Variants in KIRREL3 observed in about 807,000 individuals in gnomAD.
KIRREL3 encodes the protein kirre like nephrin family adhesion molecule 3.
Under a neutral mutation model 89.7 loss-of-function variants are expected in KIRREL3, and 36 were observed. The observed-to-expected ratio is 0.40, with a 90% CI of 0.31 to 0.53. The LOEUF (loss-of-function observed/expected upper bound fraction) is 0.53, where lower values mean the gene tolerates loss of function less well. Among genes scored for constraint, KIRREL3 ranks in the 20% least tolerant of loss-of-function variants. The pLI is 0.49. For synonymous variants in KIRREL3, 445 were observed against 441.4 expected (o/e 1.01, Z -0.10); for missense variants, 864 against 1,056.6 (o/e 0.82, Z 2.53).
Position 126,783,157 on chromosome 11 carries a change from C to CGAGAG in KIRREL3, c.55+217297_55+217298insCTCTC, listed in dbSNP as rs1592121909. Among the ~76,000 whole-genome samples, 1 of 152,322 alleles carries CGAGAG rather than the reference C, an allele frequency of 6.6e-6. No homozygotes were observed. Among genetic ancestry groups the CGAGAG allele is most frequent in the East Asian group, 1.9e-4 (1 of 5,190 alleles). ...TAAGGTGTCTGCAGAGCCATGCTTC[C>CGAGAG]CCTGAAACCTGGAGGAGAGAATCCT... On this transcript the variant is annotated intron_variant, in intron 1 of 16. Coordinates refer to ENST00000525144, the MANE Select transcript of KIRREL3 (RefSeq NM_032531.4). This position sits in a 1 kb window ranked among gnomAD's most constrained non-coding sequence, Gnocchi z 4.3.
chr11:126,903,686 G>T lies in KIRREL3; in HGVS notation c.55+96769C>A, dbSNP rs543331792. ...TTTATGACATGTTCAGAAGCTTGCA[G>T]TTGCAGGAGGCTGACAATGATGAAA... On this transcript the variant is annotated intron_variant, in intron 1 of 16. Transcript: ENST00000525144. This position sits in a 1 kb window ranked among gnomAD's most constrained non-coding sequence, Gnocchi z 4.5. Among the ~76,000 whole-genome samples the T allele has an allele frequency of 6.6e-6, 1 of 152,334 alleles. No individual in the cohort carries two copies. The highest frequency in any genetic ancestry group is 2.1e-4 in the South Asian group (1 of 4,828).
At position 126,561,800 on chromosome 11, in the gene KIRREL3, C is replaced by G. The variant is rs1000590218; in HGVS notation, c.133+1035G>C. On this transcript the variant is annotated intron_variant, in intron 2 of 16. Transcript: ENST00000525144. This position sits in a 1 kb window ranked among gnomAD's most constrained non-coding sequence, Gnocchi z 4.5. ...ACCATGATGGGTGCTGGAAACAGGT[C>G]CACAGCTGGCAAAGTCTCAGGCATG... 2.6e-5 allele frequency among the ~76,000 whole-genome samples: 4 copies of G among 152,150 alleles called. No individual in the cohort carries two copies. The highest frequency in any genetic ancestry group is 9.7e-5 in the African/African-American group (4 of 41,436).
rs188288156 is a variant in KIRREL3 at position 126,522,943 on chromosome 11, G to A, written c.284-1479C>T. 2.4e-4 allele frequency among the ~76,000 whole-genome samples: 36 copies of A among 152,314 alleles called. No individual in the cohort carries two copies. The highest frequency in any genetic ancestry group is 2.2e-3 in the Admixed American group (33 of 15,304). Reference sequence around the variant, plus strand: ...AGGAGGATGAGACGGGACACATTCAGCCTTTTAAAGAGAAGATGAGGGCTT... The same window carrying A: ...AGGAGGATGAGACGGGACACATTCAACCTTTTAAAGAGAAGATGAGGGCTT... On this transcript the variant is annotated intron_variant, in intron 3 of 16. Coordinates refer to ENST00000525144, the MANE Select transcript of KIRREL3 (RefSeq NM_032531.4). The surrounding 1 kb of genome is among the most constrained non-coding windows in gnomAD (Gnocchi z 6.0).
rs1462298542 is a variant in KIRREL3 at position 126,570,470 on chromosome 11, G to A, written c.56-7558C>T. ...GTCAAGTTATTGTCAGTTAGGAAGA[G>A]TTGACAATCATTTGTGATAATTCCA... On this transcript the variant is annotated intron_variant, in intron 1 of 16. Coordinates refer to ENST00000525144, the MANE Select transcript of KIRREL3 (RefSeq NM_032531.4). The surrounding 1 kb of genome is among the most constrained non-coding windows in gnomAD (Gnocchi z 6.1). Among the ~76,000 whole-genome samples, 1 of 152,204 alleles carries A rather than the reference G, an allele frequency of 6.6e-6. No homozygotes were observed. The highest frequency in any genetic ancestry group is 2.4e-5 in the African/African-American group (1 of 41,454).
rs1252609542 is a variant in KIRREL3, at chr11:126,976,367, A to C, written c.55+24088T>G. On this transcript the variant is annotated intron_variant, in intron 1 of 16. Coordinates refer to ENST00000525144, the MANE Select transcript of KIRREL3 (RefSeq NM_032531.4). The surrounding 1 kb of genome is among the most constrained non-coding windows in gnomAD (Gnocchi z 4.2). Reference sequence around the variant, plus strand: ...GCCAAAGGTTGCTTCCAGGGACCACAGATTATTTTCTGAGTGTTTATGAAC... The same window carrying C: ...GCCAAAGGTTGCTTCCAGGGACCACCGATTATTTTCTGAGTGTTTATGAAC... Among the ~76,000 whole-genome samples, 1 of 152,182 alleles carries C rather than the reference A, an allele frequency of 6.6e-6. No individual in the cohort carries two copies. Among genetic ancestry groups the C allele is most frequent in the Non-Finnish European group, 1.5e-5 (1 of 68,032 alleles).
chr11:126,786,568 T>C (rs939480197), intron 1 of KIRREL3, among the ~76,000 whole-genome samples: 1 of 152,112 alleles, frequency 6.6e-6, no homozygotes, highest in Non-Finnish European at 1.5e-5. Flanking sequence ...GAAAAAATAG[T>C]GTAATGGTTT....
At chr11:126,660,358 C>G (rs1945339680) in intron 1 of KIRREL3, among the ~76,000 whole-genome samples, 1 of 152,194 alleles carries the variant, frequency 6.6e-6, no homozygotes, top group African/African-American at 2.4e-5. Context: ...CACAGACAAT[C>G]CATGGAAAAC....
In KIRREL3 at chr11:126,874,665, G is replaced by A. The variant is rs76124018; in HGVS notation, c.55+125790C>T. Among the ~76,000 whole-genome samples, 1,381 of 152,254 alleles carry A rather than the reference G, an allele frequency of 9.1e-3. 14 individuals are homozygous for A. Among genetic ancestry groups the A allele is most frequent in the African/African-American group, 0.031 (1,284 of 41,532 alleles). On this transcript the variant is annotated intron_variant, in intron 1 of 16. Transcript: ENST00000525144. ...GCCTGGGCATTATTTTCTTAATGTG[G>A]GAACTGGGTCAACCCTCTACAAAAT... is the stretch of plus-strand genomic sequence containing the variant.
At chr11:126,815,814 C>T (rs998311595) in intron 1 of KIRREL3, among the ~76,000 whole-genome samples, 1 of 152,180 alleles carries the variant, frequency 6.6e-6, no homozygotes, top group Non-Finnish European at 1.5e-5. Context: ...GGATTACAGG[C>T]ATGAGCTGCT....
At chr11:126,786,788 G>A (rs1385888710) in intron 1 of KIRREL3, among the ~76,000 whole-genome samples, 2 of 152,202 alleles carry the variant, frequency 1.3e-5, no homozygotes, top group Non-Finnish European at 2.9e-5. Context: ...CCTGGTCTGG[G>A]CATCTCTGTT....
At chr11:126,425,826 AC>A (rs1954922821) in intron 15 of KIRREL3, 102 bp from the exon 16 acceptor site, 1 of 826,524 alleles carries the variant, frequency 1.2e-6, no homozygotes, top group Non-Finnish European at 2.0e-6. Flanking sequence ...GCCCTGTATA[AC>A]CCCCACCACC....
intron 7 of KIRREL3, among the ~76,000 whole-genome samples, chr11:126,451,594 ATG>A (rs1956168134): frequency 7.3e-6 from 1 of 137,636 alleles, no homozygotes; most frequent in Non-Finnish European, 1.6e-5. Context: ...GTGTGTGTAC[ATG>A]TGTGAGCATG....
chr11:126,894,559 A>G (rs1946067582), intron 1 of KIRREL3, among the ~76,000 whole-genome samples: 1 of 148,836 alleles, frequency 6.7e-6, no homozygotes, highest in Non-Finnish European at 1.5e-5. Context: ...AAAAAAAAAA[A>G]AAAAAAAAAA....
chr11:126,621,304 T>C (rs1943564700), intron 1 of KIRREL3, among the ~76,000 whole-genome samples: 1 of 152,196 alleles, frequency 6.6e-6, no homozygotes, highest in Non-Finnish European at 1.5e-5. Context: ...GGCTTTCTAA[T>C]TTCAGTATTT....
chr11:126,716,767 G>A (rs1228435053), intron 1 of KIRREL3, among the ~76,000 whole-genome samples: 1 of 146,174 alleles, frequency 6.8e-6, no homozygotes, highest in East Asian at 2.0e-4. Context: ...GGGGAAGTGT[G>A]GGGGAGAGTA....
intron 1 of KIRREL3, among the ~76,000 whole-genome samples, chr11:126,585,538 A>G (rs1289541932): frequency 1.3e-5 from 2 of 152,170 alleles, no homozygotes; most frequent in African/African-American, 2.4e-5. Flanking sequence ...CCGGCCAGGA[A>G]TTAACCTTCA....
rs1956277790 is a variant in KIRREL3 at position 126,454,507 on chromosome 11, G to C, written c.848+1842C>G. 6.6e-6 allele frequency among the ~76,000 whole-genome samples: 1 copy of C among 152,202 alleles called. No homozygotes were observed. On this transcript the variant is annotated intron_variant, in intron 7 of 16. Coordinates refer to ENST00000525144, the MANE Select transcript of KIRREL3 (RefSeq NM_032531.4). The surrounding 1 kb of genome is among the most constrained non-coding windows in gnomAD (Gnocchi z 5.8). ...GGGTGGTCTGTGGGTGTGAAGGGCT[G>C]CCCTGGGAAGCTAGCATGACAGATA...
At chr11:126,616,890 C>T (rs576873) in intron 1 of KIRREL3, among the ~76,000 whole-genome samples, 48,115 of 152,196 alleles carry the variant, frequency 0.32, 7,878 homozygotes, top group East Asian at 0.43. Flanking sequence ...GATCCTCCTG[C>T]CTTGGCCTCC....
rs190152124 is a variant in KIRREL3 at position 126,576,240 on chromosome 11, C to T, written c.56-13328G>A. ...GTTTGAGAATGGGACTTCCTCCTAC[C>T]TTCATTTGTCCTTCCTTTTACAGAA... On this transcript the variant is annotated intron_variant, in intron 1 of 16. Coordinates refer to ENST00000525144, the MANE Select transcript of KIRREL3 (RefSeq NM_032531.4). This position sits in a 1 kb window ranked among gnomAD's most constrained non-coding sequence, Gnocchi z 5.4. Among the ~76,000 whole-genome samples, 76 of 152,326 alleles carry T rather than the reference C, an allele frequency of 5.0e-4. No individual in the cohort carries two copies. The highest frequency in any genetic ancestry group is 1.8e-3 in the African/African-American group (73 of 41,570).
Sources: gnomAD v4.1 joint callset for allele counts (sites outside exome capture counted in the v4.1 genomes callset) on GRCh38, gnomAD v4.1.1 for gene constraint, Gnocchi (gnomAD v3.1) non-coding constraint, MANE v1.5 for transcripts, NCBI Gene and HGNC (gene_info 2026-07-23, HGNC 2026-07-21) for gene names.